Variants in MAP3K7CL observed in about 807,000 individuals in gnomAD.
MAP3K7CL encodes the protein MAP3K7 C-terminal like, also known as MAP3K7 C-terminal-like protein.
Under a neutral mutation model 18.6 loss-of-function variants are expected in MAP3K7CL, and 16 were observed. That is an observed-to-expected ratio of 0.86 (90% CI 0.58 to 1.31). The LOEUF is 1.31. MAP3K7CL is among the 50% of genes most tolerant of loss of function. The pLI is 0.00. For synonymous variants in MAP3K7CL, 65 were observed against 66.8 expected (o/e 0.97, Z 0.13); for missense variants, 163 against 174.4 (o/e 0.93, Z 0.37).
At chr21:29,144,412 G>T (rs149532039) in intron 2 of MAP3K7CL, among the ~76,000 whole-genome samples, 49 of 152,242 alleles carry the variant, frequency 3.2e-4, no homozygotes, top group Non-Finnish European at 1.2e-4. Context: ...TGATCCTCCT[G>T]CCTGGGCCTC....
intron 4 of MAP3K7CL, among the ~76,000 whole-genome samples, chr21:29,173,581 A>T (rs1347414358): frequency 6.6e-6 from 1 of 152,214 alleles, no homozygotes; most frequent in Non-Finnish European, 1.5e-5. Flanking sequence ...AAGGCAAAGG[A>T]GAATTCAGTT....
rs182500845 is a variant in MAP3K7CL at position 29,125,449 on chromosome 21, C to T, written c.371-23740C>T. Among the ~76,000 whole-genome samples the T allele has an allele frequency of 2.3e-3, 347 of 152,252 alleles. 1 individual carries two copies. Among genetic ancestry groups the T allele is most frequent in the African/African-American group, 7.9e-3 (329 of 41,538 alleles). On this transcript the variant is annotated intron_variant, in intron 4 of 6. Transcript: ENST00000286791. Reference sequence around the variant, plus strand: ...TAACCCCTGTCATTCCTCTCTTGAGCTTTGGGGGCACGAATGATATAGGGT... The same window carrying T: ...TAACCCCTGTCATTCCTCTCTTGAGTTTTGGGGGCACGAATGATATAGGGT...
intron 4 of MAP3K7CL, among the ~76,000 whole-genome samples, chr21:29,094,576 C>T (rs2086087783): frequency 1.3e-5 from 2 of 152,168 alleles, no homozygotes; most frequent in South Asian, 4.1e-4. Context: ...AAAGTAGTAT[C>T]TTATTAAATG....
At chr21:29,101,238 G>A (rs1357201547) in intron 4 of MAP3K7CL, among the ~76,000 whole-genome samples, 1 of 152,174 alleles carries the variant, frequency 6.6e-6, no homozygotes, top group Non-Finnish European at 1.5e-5. Flanking sequence ...TGAAAAGCAG[G>A]AAGTGGAATC....
At position 29,092,700 on chromosome 21, in the gene MAP3K7CL, A is replaced by G. The variant is rs557889191; in HGVS notation, c.370+119A>G. On this transcript the variant is annotated intron_variant, in intron 4 of 6. Transcript: ENST00000286791. ...ATTCTGCAGGGATCTGGGTCAGAGC[A>G]GGACAATGGCTCTACGACGTGCTGG... 19 of 1,126,974 alleles carry G rather than the reference A, an allele frequency of 1.7e-5. No homozygotes were observed. The East Asian group carries it at 4.2e-4, about 25-fold the overall frequency. The allele number at this position is 1,126,974 out of a possible 1,614,324, so 69.8% of individuals were successfully genotyped here.
At chr21:29,131,447 C>T (rs1029958246) in intron 1 of MAP3K7CL, 1 of 152,144 alleles carries the variant, frequency 6.6e-6, no homozygotes, top group African/African-American at 2.4e-5. Context: ...TGAGACAATC[C>T]ATGCCATTCC....
At position 29,121,523 on chromosome 21, in the gene MAP3K7CL, ACTT is replaced by A. The variant is rs149041385; in HGVS notation, c.371-27662_371-27660del. Reference sequence around the variant, plus strand: ...AGAATATAGGCTCATTCAGAGCTAAACTTCTTTTTTCTTTTTTCTCATTCACAT... The same window carrying A: ...AGAATATAGGCTCATTCAGAGCTAAACTTTTTTCTTTTTTCTCATTCACAT... On this transcript the variant is annotated intron_variant, in intron 4 of 6. Transcript: ENST00000286791. Among the ~76,000 whole-genome samples, 998 of 152,178 alleles carry A rather than the reference ACTT, an allele frequency of 6.6e-3. 7 individuals carry two copies. Among genetic ancestry groups the A allele is most frequent in the African/African-American group, 0.023 (951 of 41,526 alleles).
chr21:29,091,371 G>A, intron 1 of MAP3K7CL: 1 of 544,024 alleles, frequency 1.8e-6, no homozygotes, highest in East Asian at 3.1e-5. Context: ...TTTTTAGCCA[G>A]TTGATTTTTA....
intron 4 of MAP3K7CL, among the ~76,000 whole-genome samples, chr21:29,100,651 T>C (rs1601152053): frequency 6.6e-6 from 1 of 152,090 alleles, no homozygotes; most frequent in African/African-American, 2.4e-5. Flanking sequence ...AGTAGTTATC[T>C]ATTACGGTGT....
chr21:29,133,361 G>C lies in MAP3K7CL; in HGVS notation c.17G>C (p.Arg6Thr), dbSNP rs1380433598. The C allele has an allele frequency of 3.9e-6, 6 of 1,550,362 alleles. No homozygotes were observed. The African/African-American group carries it at 6.8e-5, about 18-fold the overall frequency. The change falls in exon 2 of 5, where the codon AGG (arginine) becomes ACG (threonine). Residue 6 changes from arginine to threonine, a missense_variant. Arg to Thr is a moderately conservative substitution (Grantham distance 71). Transcript: ENST00000399928. MISTA[R>T]VPADKPVRIA... ...GGTGCCCACATGATCAGCACAGCCA[G>C]GGTACCTGCTGACAAGCCTGTACGC... is the stretch of plus-strand genomic sequence containing the variant.
chr21:29,105,719 G>A (rs901113980), intron 4 of MAP3K7CL, among the ~76,000 whole-genome samples: 1 of 152,146 alleles, frequency 6.6e-6, no homozygotes, highest in African/African-American at 2.4e-5. Flanking sequence ...CTGTGTGGAA[G>A]GGGCCAGTGG....
At chr21:29,077,455 G>T (rs572420960), upstream of MAP3K7CL, 368 of 153,202 alleles carry the variant, frequency 2.4e-3, 2 homozygotes, top group African/African-American at 8.0e-3. Context: ...ACTCACGCTG[G>T]CCCGCAAGCA....
At chr21:29,109,457 C>A in intron 4 of MAP3K7CL, 1 of 1,185,392 alleles carries the variant, frequency 8.4e-7, no homozygotes, top group Non-Finnish European at 1.0e-6. Flanking sequence ...TGGCAAAACC[C>A]CCATCTCAGC....
intron 3 of MAP3K7CL, among the ~76,000 whole-genome samples, chr21:29,150,243 C>T (rs2832217): frequency 0.21 from 32,426 of 152,020 alleles, 3,565 homozygotes; most frequent in East Asian, 0.27. Context: ...TGAGCCCTTC[C>T]GCAAGCCAAG....
chr21:29,147,887 G>A (rs2087174780), intron 2 of MAP3K7CL, among the ~76,000 whole-genome samples: 1 of 151,008 alleles, frequency 6.6e-6, no homozygotes, highest in Admixed American at 6.6e-5. Context: ...ATATGTATGT[G>A]TATGTGTACT....
intron 4 of MAP3K7CL, among the ~76,000 whole-genome samples, chr21:29,125,032 T>C (rs1029638778): frequency 4.6e-5 from 7 of 152,216 alleles, no homozygotes; most frequent in African/African-American, 1.7e-4. Flanking sequence ...TCCACAGCTT[T>C]TGAATGCAGC....
chr21:29,108,897 C>A, intron 4 of MAP3K7CL: 1 of 692,516 alleles, frequency 1.4e-6, no homozygotes, highest in Non-Finnish European at 2.3e-6. Context: ...AGTGTTCAGT[C>A]AGCTCCAATG....
At chr21:29,159,564 A>G (rs965542064) in intron 3 of MAP3K7CL, among the ~76,000 whole-genome samples, 1 of 152,164 alleles carries the variant, frequency 6.6e-6, no homozygotes, top group African/African-American at 2.4e-5. Context: ...CAACTGAACT[A>G]TTTCCCCACC....
intron 3 of MAP3K7CL, among the ~76,000 whole-genome samples, chr21:29,158,917 CTTTTTTTTTTT>C (rs36003464): frequency 2.0e-5 from 2 of 100,436 alleles, no homozygotes; most frequent in African/African-American, 4.0e-5. Flanking sequence ...AAAAGTAGTA[CTTTTTTTTTTT>C]TTTTTTTTTT....
Sources: gnomAD v4.1 joint callset for allele counts (sites outside exome capture counted in the v4.1 genomes callset) on GRCh38, gnomAD v4.1.1 for gene constraint, MANE v1.5 for transcripts, NCBI Gene and HGNC (gene_info 2026-07-23, HGNC 2026-07-21) for gene names.